B4GALNT3: variants seen among roughly 807,000 people sequenced by gnomAD.
B4GALNT3 encodes the protein beta-1,4-N-acetyl-galactosaminyltransferase 3, also known as beta-1,4-N-acetylgalactosaminyltransferase 3.
A neutral mutation model predicts 120.2 loss-of-function variants in B4GALNT3; 86 were observed. The observed-to-expected ratio is 0.72, with a 90% CI of 0.60 to 0.86. B4GALNT3 has a LOEUF of 0.86. Among genes scored for constraint, B4GALNT3 ranks in the 40% least tolerant of loss-of-function variants. The pLI, the probability that B4GALNT3 is intolerant of heterozygous loss-of-function variation, is 0.00. For missense variants in B4GALNT3, 1,167 were observed against 1,298.9 expected (o/e 0.90, Z 1.56); for synonymous variants, 518 against 510.4 (o/e 1.01, Z -0.20).
intron 1 of B4GALNT3, among the ~76,000 whole-genome samples, chr12:499,367 G>A (rs967354712): frequency 6.6e-6 from 1 of 152,178 alleles, no homozygotes; most frequent in Non-Finnish European, 1.5e-5. Flanking sequence ...AACAGTCCTA[G>A]CCCGTGGAGC....
Position 550,071 on chromosome 12 carries a change from G to A in B4GALNT3, c.997+159G>A, listed in dbSNP as rs902652236. Among the ~76,000 whole-genome samples the A allele has an allele frequency of 3.9e-5, 6 of 152,166 alleles. 1 individual carries two copies. Among genetic ancestry groups the A allele is most frequent in the Admixed American group, 2.6e-4 (4 of 15,274 alleles). ...ATAGAACATGCATACAGAAAAGAGA[G>A]CATGTAAATAAGTATAAAATATTTA... On this transcript the variant is annotated intron_variant, in intron 10 of 19. Coordinates refer to ENST00000266383, the MANE Select transcript of B4GALNT3 (RefSeq NM_173593.4). This position sits in a 1 kb window ranked among gnomAD's most constrained non-coding sequence, Gnocchi z 4.1.
chr12:521,663 G>A (rs749904870), intron 1 of B4GALNT3, among the ~76,000 whole-genome samples: 24 of 152,298 alleles, frequency 1.6e-4, no homozygotes, highest in Non-Finnish European at 2.2e-4. Flanking sequence ...TGCTCACCAC[G>A]GGGTTCAGAA....
At chr12:527,648 C>G (rs879531549) in intron 1 of B4GALNT3, among the ~76,000 whole-genome samples, 11 of 152,226 alleles carry the variant, frequency 7.2e-5, no homozygotes, top group Non-Finnish European at 1.2e-4. Flanking sequence ...ACTTGCCCCC[C>G]CACCATGCAC....
At chr12:554,129 G>T in intron 14 of B4GALNT3, 146 bp downstream of exon 14, 1 of 634,600 alleles carries the variant, frequency 1.6e-6, no homozygotes, top group Non-Finnish European at 2.7e-6. Context: ...TCCTGGGAAG[G>T]ACAAGTGCCC....
chr12:513,911 A>G (rs553316784), intron 1 of B4GALNT3, among the ~76,000 whole-genome samples: 25 of 152,262 alleles, frequency 1.6e-4, no homozygotes, highest in African/African-American at 6.0e-4. Flanking sequence ...TTGCTAAGTT[A>G]TATTCTGTTG....
At chr12:516,515 A>G (rs1165122533) in intron 1 of B4GALNT3, among the ~76,000 whole-genome samples, 1 of 152,228 alleles carries the variant, frequency 6.6e-6, no homozygotes, top group African/African-American at 2.4e-5. Context: ...ATAGGAGACA[A>G]GGTCGGAGAT....
In B4GALNT3 at chr12:563,400, G is replaced by A. The variant is rs575203185; in HGVS notation, c.*1949G>A. 1 of 152,536 alleles carries A rather than the reference G, an allele frequency of 6.6e-6. No homozygotes were observed. Among genetic ancestry groups the A allele is most frequent in the African/African-American group, 2.4e-5 (1 of 41,596 alleles). The allele number at this position is 152,536 out of a possible 1,614,324, so 9.4% of individuals were successfully genotyped here. ...ACCTCCACACCATCTGCCTTAAGAG[G>A]AAGGGCCGGGCAAGGCCCCTACTCC... On this transcript the variant is annotated 3_prime_UTR_variant, in exon 20 of 20. Transcript: ENST00000266383.
intron 1 of B4GALNT3, among the ~76,000 whole-genome samples, chr12:511,588 C>G (rs1433981678): frequency 1.3e-5 from 1 of 75,280 alleles, no homozygotes; most frequent in Non-Finnish European, 2.7e-5. Context: ...TTCCACCTTC[C>G]ACCTTCCGCC....
At chr12:538,702 G>T (rs1255519021) in intron 3 of B4GALNT3, among the ~76,000 whole-genome samples, 1 of 152,072 alleles carries the variant, frequency 6.6e-6, no homozygotes, top group Non-Finnish European at 1.5e-5. Context: ...ATGTTCAGGG[G>T]TTCACTGATC....
chr12:529,557 G>A (rs144131992), intron 1 of B4GALNT3, among the ~76,000 whole-genome samples: 1 of 152,226 alleles, frequency 6.6e-6, no homozygotes. Context: ...AGATTCTGGA[G>A]ATATATATCG....
chr12:481,762 C>G (rs11063204), intron 1 of B4GALNT3, among the ~76,000 whole-genome samples: 1 of 152,126 alleles, frequency 6.6e-6, no homozygotes, highest in African/African-American at 2.4e-5. Context: ...CTGGACACAG[C>G]GCTCCAGGTC....
At chr12:514,162 C>CT (rs1369413754) in intron 1 of B4GALNT3, among the ~76,000 whole-genome samples, 2 of 150,526 alleles carry the variant, frequency 1.3e-5, no homozygotes, top group African/African-American at 4.9e-5. Flanking sequence ...TCCAATTTCT[C>CT]TATGTTCTTG....
intron 1 of B4GALNT3, among the ~76,000 whole-genome samples, chr12:475,220 T>G (rs1269490659): frequency 6.6e-6 from 1 of 152,206 alleles, no homozygotes; most frequent in Non-Finnish European, 1.5e-5. Flanking sequence ...TTGCATACTA[T>G]TTTGGGAGGA....
At chr12:547,425 A>G (rs1947021831) in intron 7 of B4GALNT3, among the ~76,000 whole-genome samples, 1 of 152,212 alleles carries the variant, frequency 6.6e-6, no homozygotes. Flanking sequence ...CACTCATCCT[A>G]CGCATGCAAC....
intron 1 of B4GALNT3, among the ~76,000 whole-genome samples, chr12:503,649 C>T (rs1321526584): frequency 1.3e-5 from 2 of 152,182 alleles, no homozygotes; most frequent in Non-Finnish European, 2.9e-5. Context: ...CAGCCAAGCC[C>T]TCCTTTCTTA....
chr12:544,817 A>G, intron 4 of B4GALNT3, 65 bp from the exon 5 acceptor site: 1 of 1,522,560 alleles, frequency 6.6e-7, no homozygotes, highest in Non-Finnish European at 9.1e-7. Flanking sequence ...CTTCCCGCCA[A>G]TCCTGGCGGG....
intron 14 of B4GALNT3, among the ~76,000 whole-genome samples, chr12:555,814 T>C (rs1947145874): frequency 6.6e-6 from 1 of 152,052 alleles, no homozygotes; most frequent in Non-Finnish European, 1.5e-5. Flanking sequence ...AGACGGAGTC[T>C]CGCTCTGTCG....
chr12:502,626 G>C (rs539269958), intron 1 of B4GALNT3, among the ~76,000 whole-genome samples: 12 of 152,320 alleles, frequency 7.9e-5, no homozygotes, highest in African/African-American at 2.9e-4. Flanking sequence ...TGAAGCAAGG[G>C]AAGTTAAAAT....
intron 1 of B4GALNT3, among the ~76,000 whole-genome samples, chr12:502,603 G>A (rs988550431): frequency 3.9e-5 from 6 of 152,120 alleles, no homozygotes; most frequent in African/African-American, 1.4e-4. Flanking sequence ...GAAGAGGGAG[G>A]CCAAGAAAGA....
Sources: allele counts gnomAD v4.1 joint callset (sites outside exome capture counted in the v4.1 genomes callset), GRCh38; gene constraint gnomAD v4.1.1; non-coding constraint Gnocchi (gnomAD v3.1); transcripts MANE v1.5; gene names NCBI Gene and HGNC (gene_info 2026-07-23, HGNC 2026-07-21).